OPCML: variants seen among roughly 807,000 people sequenced by gnomAD.
OPCML encodes opioid-binding protein/cell adhesion molecule.
OPCML carries 13 observed loss-of-function variants against 37.8 expected under a neutral mutation model. The observed-to-expected ratio is 0.34, with a 90% confidence interval of 0.22 to 0.55. OPCML has a LOEUF of 0.55. Among genes scored for constraint, OPCML ranks in the 20% least tolerant of loss-of-function variants. The pLI, the probability that OPCML is intolerant of heterozygous loss-of-function variation, is 0.91. For synonymous variants in OPCML, 176 were observed against 168.8 expected (o/e 1.04, Z -0.33); for missense variants, 341 against 435.6 (o/e 0.78, Z 1.93).
At chr11:132,691,715 A>T (rs189220262) in intron 2 of OPCML, among the ~76,000 whole-genome samples, 1 of 152,206 alleles carries the variant, frequency 6.6e-6, no homozygotes, top group Non-Finnish European at 1.5e-5. Flanking sequence ...GCCTATGTCC[A>T]TCCAGTTTCA....
At chr11:133,229,785 C>A (rs1045836399) in intron 1 of OPCML, among the ~76,000 whole-genome samples, 4 of 152,166 alleles carry the variant, frequency 2.6e-5, no homozygotes, top group Non-Finnish European at 5.9e-5. Context: ...TTTCAGCATC[C>A]CACAAGACCG....
chr11:132,994,555 G>A (rs1223676651), intron 1 of OPCML, among the ~76,000 whole-genome samples: 3 of 151,924 alleles, frequency 2.0e-5, no homozygotes. Context: ...TCTGCTGAAG[G>A]CTCAGGGCGG....
chr11:133,227,035 T>C (rs987925693), intron 1 of OPCML, among the ~76,000 whole-genome samples: 2 of 152,340 alleles, frequency 1.3e-5, no homozygotes, highest in African/African-American at 4.8e-5. Flanking sequence ...CCTCGGCTGA[T>C]GTGCCGGTGT....
intron 3 of OPCML, among the ~76,000 whole-genome samples, chr11:132,622,633 G>T (rs571511837): frequency 6.6e-6 from 1 of 152,268 alleles, no homozygotes; most frequent in Admixed American, 6.5e-5. Flanking sequence ...GTCCAGCCAG[G>T]ACCTCAGTGG....
intron 1 of OPCML, among the ~76,000 whole-genome samples, chr11:132,948,036 T>C (rs796309804): frequency 1.3e-5 from 2 of 152,340 alleles, no homozygotes; most frequent in African/African-American, 4.8e-5. Context: ...ATATTGTCTG[T>C]TCAGATGCTG....
In OPCML at chr11:132,886,853, C is replaced by G. The variant is rs546537210; in HGVS notation, c.146+56073G>C. On this transcript the variant is annotated intron_variant, in intron 2 of 7. Transcript: ENST00000524381. ...CTCTGTCCTCTGACCTTGAGTGTTT[C>G]CTGACTTCTTGCATATACATCCCAG... Among the ~76,000 whole-genome samples, 8 of 152,306 alleles carry G rather than the reference C, an allele frequency of 5.3e-5. No individual in the cohort carries two copies. In the East Asian group the frequency reaches 1.5e-3, roughly 29 times the overall value.
chr11:133,069,287 CT>C (rs1323597774), intron 1 of OPCML, among the ~76,000 whole-genome samples: 1 of 152,090 alleles, frequency 6.6e-6, no homozygotes, highest in African/African-American at 2.4e-5. Flanking sequence ...AACATTATGC[CT>C]GATACATGGT....
At chr11:132,650,419 A>G (rs1591672449) in intron 3 of OPCML, among the ~76,000 whole-genome samples, 1 of 152,206 alleles carries the variant, frequency 6.6e-6, no homozygotes, top group African/African-American at 2.4e-5. Flanking sequence ...ACTAGAAAGG[A>G]CTTTCATATC....
chr11:133,363,721 C>A (rs1565594114), intron 1 of OPCML, among the ~76,000 whole-genome samples: 2 of 152,204 alleles, frequency 1.3e-5, no homozygotes, highest in African/African-American at 4.8e-5. Flanking sequence ...AGGAATCCCC[C>A]TCCCACTGTG....
At chr11:133,106,383 C>T (rs1949157969) in intron 1 of OPCML, among the ~76,000 whole-genome samples, 1 of 152,204 alleles carries the variant, frequency 6.6e-6, no homozygotes, top group African/African-American at 2.4e-5. Context: ...ATACATAACG[C>T]AGACTTTCTG....
At chr11:132,577,740 A>G (rs1400126277) in intron 3 of OPCML, among the ~76,000 whole-genome samples, 1 of 152,220 alleles carries the variant, frequency 6.6e-6, no homozygotes, top group African/African-American at 2.4e-5. Flanking sequence ...TTCAGACTGT[A>G]ATTAATAATA....
chr11:133,382,193 C>T (rs1322932141), intron 1 of OPCML, among the ~76,000 whole-genome samples: 2 of 152,230 alleles, frequency 1.3e-5, no homozygotes, highest in East Asian at 1.9e-4. Flanking sequence ...CCTGACCCAA[C>T]ATTAGCATAA....
intron 2 of OPCML, among the ~76,000 whole-genome samples, chr11:132,728,978 G>A (rs778177870): frequency 6.6e-6 from 1 of 152,140 alleles, no homozygotes; most frequent in South Asian, 2.1e-4. Context: ...CAATAATGAT[G>A]ATGAGGAGAT....
At chr11:132,436,348 C>T in intron 6 of OPCML, 111 bp from the exon 7 acceptor site, 2 of 1,584,254 alleles carry the variant, frequency 1.3e-6, no homozygotes, top group Non-Finnish European at 1.7e-6. Context: ...CTAAGCACTT[C>T]AGTGTCCAAC....
chr11:133,316,955 T>C (rs1375003050), intron 1 of OPCML, among the ~76,000 whole-genome samples: 4 of 152,212 alleles, frequency 2.6e-5, no homozygotes, highest in African/African-American at 9.6e-5. Context: ...CCCAGCACTT[T>C]GGGAGGCCAA....
At position 133,307,031 on chromosome 11, in the gene OPCML, A is replaced by G. The variant is rs560097826; in HGVS notation, c.61+225233T>C. 2.0e-4 allele frequency among the ~76,000 whole-genome samples: 30 copies of G among 152,294 alleles called. No individual in the cohort carries two copies. The South Asian group carries it at 6.2e-3, about 32-fold the overall frequency. On this transcript the variant is annotated intron_variant, in intron 1 of 7. Coordinates refer to ENST00000524381, the MANE Select transcript of OPCML (RefSeq NM_001012393.5). ...TTTAAGAAACATTCAATAACTTGGT[A>G]ATATGATACAGACTTGAGGCTGGAC...
At chr11:133,508,436 G>C (rs1948085562) in intron 1 of OPCML, among the ~76,000 whole-genome samples, 1 of 152,146 alleles carries the variant, frequency 6.6e-6, no homozygotes. Flanking sequence ...AATGATCCAG[G>C]GTGGTTTCTG....
At chr11:133,045,730 G>A (rs999804503) in intron 1 of OPCML, among the ~76,000 whole-genome samples, 6 of 152,182 alleles carry the variant, frequency 3.9e-5, no homozygotes, top group African/African-American at 7.2e-5. Flanking sequence ...TCGTCTTCTA[G>A]CATGTTAGAG....
chr11:133,214,117 G>T (rs1223510411), intron 1 of OPCML, among the ~76,000 whole-genome samples: 1 of 151,760 alleles, frequency 6.6e-6, no homozygotes. Flanking sequence ...AATAATAATT[G>T]GTGGGTAAAA....
Sources: gnomAD v4.1 joint callset for allele counts (sites outside exome capture counted in the v4.1 genomes callset) on GRCh38, gnomAD v4.1.1 for gene constraint, MANE v1.5 for transcripts, NCBI Gene and HGNC (gene_info 2026-07-23, HGNC 2026-07-21) for gene names.